Variants in NOP14 observed in about 807,000 individuals in gnomAD.
NOP14 encodes the protein nucleolar protein 14.
A neutral mutation model predicts 101.6 loss-of-function variants in NOP14; 57 were observed. The observed-to-expected ratio is 0.56, with a 90% CI of 0.45 to 0.70. The LOEUF is 0.70. Among genes scored for constraint, NOP14 ranks in the 30% least tolerant of loss-of-function variants. The probability of loss-of-function intolerance (pLI) is 0.00; values close to 1 mark genes in which losing one functional copy is unlikely to be tolerated. For missense variants in NOP14, 1,134 were observed against 1,075.5 expected, an observed-to-expected ratio of 1.05 and a Z score of -0.76; for synonymous variants, 428 against 424.0, an observed-to-expected ratio of 1.01 and a Z score of -0.12.
intron 1 of NOP14, among the ~76,000 whole-genome samples, chr4:2,962,313 T>C (rs1416476944): frequency 6.6e-6 from 1 of 152,216 alleles, no homozygotes; most frequent in East Asian, 1.9e-4. Flanking sequence ...GAGGGACTCC[T>C]ATCGAAGTCA....
At chr4:2,959,891 G>A (rs1715611525) in intron 1 of NOP14, among the ~76,000 whole-genome samples, 1 of 151,940 alleles carries the variant, frequency 6.6e-6, no homozygotes, top group African/African-American at 2.4e-5. Context: ...GCAATCAGAT[G>A]GGAGCACATT....
rs756621630 is a variant in NOP14, at chr4:2,938,823, A to G, written c.*8T>C. 2 of 1,606,446 alleles carry G rather than the reference A, an allele frequency of 1.2e-6. No individual in the cohort carries two copies. The highest frequency in any genetic ancestry group is 4.5e-5 in the East Asian group (2 of 44,848). On this transcript the variant is annotated 3_prime_UTR_variant, in exon 18 of 18. Coordinates refer to ENST00000416614, the MANE Select transcript of NOP14 (RefSeq NM_001291978.2). Reference sequence around the variant, plus strand: ...GTCCAGTTCCTTGCCTTATTTATAAAATGTAATTTATTTTTTGAACTTTTT... The same window carrying G: ...GTCCAGTTCCTTGCCTTATTTATAAGATGTAATTTATTTTTTGAACTTTTT...
At chr4:2,960,986 T>C (rs62645796) in intron 1 of NOP14, among the ~76,000 whole-genome samples, 72 of 5,152 alleles carry the variant, frequency 0.014, 3 homozygotes, top group African/African-American at 0.031. Context: ...ATTAATATTA[T>C]ATCGATATTA....
intron 11 of NOP14, among the ~76,000 whole-genome samples, chr4:2,945,923 C>T (rs1306304686): frequency 1.3e-5 from 2 of 151,642 alleles, no homozygotes; most frequent in African/African-American, 4.9e-5. Flanking sequence ...ACTCTCACTC[C>T]AGATCACCCT....
At chr4:2,941,260 G>A (rs925595469) in intron 15 of NOP14, 4 of 321,416 alleles carry the variant, frequency 1.2e-5, no homozygotes, top group Non-Finnish European at 2.4e-5. Context: ...ACTGCAGAGC[G>A]CGGCTCAGAG....
intron 2 of NOP14, among the ~76,000 whole-genome samples, 161 bp from the exon 3 acceptor site, chr4:2,956,972 G>A (rs1312870997): frequency 6.6e-6 from 1 of 152,070 alleles, no homozygotes; most frequent in East Asian, 1.9e-4. Context: ...AATGATTCAT[G>A]ATTCAGACAG....
intron 15 of NOP14, chr4:2,940,173 A>G (rs1348775087): frequency 6.4e-6 from 1 of 157,012 alleles, no homozygotes; most frequent in Non-Finnish European, 1.4e-5. Context: ...TTTCAAGCCA[A>G]CAGAACCAGA....
intron 1 of NOP14, among the ~76,000 whole-genome samples, chr4:2,960,662 T>TTATTACATTAA (rs1560310265): frequency 6.9e-6 from 1 of 144,816 alleles, no homozygotes; most frequent in African/African-American, 2.6e-5. Context: ...TTACTATATA[T>TTATTACATTAA]TATTATATTA....
intron 1 of NOP14, among the ~76,000 whole-genome samples, chr4:2,958,183 C>G (rs2109313376): frequency 6.6e-6 from 1 of 152,266 alleles, no homozygotes; most frequent in East Asian, 1.9e-4. Context: ...ATACTAGACA[C>G]AAGGCAATAA....
chr4:2,939,763 C>G, intron 15 of NOP14, 118 bp from the exon 16 acceptor site: 1 of 800,832 alleles, frequency 1.2e-6, no homozygotes, highest in Non-Finnish European at 2.2e-6. Context: ...CTCCCTGCAG[C>G]AGGATGGTGC....
chr4:2,945,873 A>G (rs1338136518), intron 11 of NOP14, among the ~76,000 whole-genome samples: 1 of 152,180 alleles, frequency 6.6e-6, no homozygotes, highest in Non-Finnish European at 1.5e-5. Context: ...GTCCATGGCT[A>G]GTGGAGGAGT....
In NOP14 at chr4:2,941,678, C is replaced by T. The variant is rs1032035828; in HGVS notation, c.2103G>A (p.Met701Ile). Residue 701 changes from methionine (M) to isoleucine (I), a missense_variant, in exon 15 of 18, where the codon ATG (methionine) becomes ATA (isoleucine). Met to Ile is a conservative substitution (Grantham distance 10). Transcript: ENST00000416614. ...GLALLKRCVL[M>I]YGSLPSFHAI... ...CGTGGAAGGATGGCAGGGACCCGTACATGAGCACGCAGCGCTTCAGCAGGG... is the reference window on the plus strand; with the variant it reads ...CGTGGAAGGATGGCAGGGACCCGTATATGAGCACGCAGCGCTTCAGCAGGG... 5.6e-6 allele frequency: 9 copies of T among 1,613,148 alleles called. No homozygotes were observed. Among genetic ancestry groups the T allele is most frequent in the Non-Finnish European group, 7.6e-6 (9 of 1,179,890 alleles).
rs553130134 is a variant in NOP14, at chr4:2,947,428, T to G, written c.1499+98A>C. The G allele has an allele frequency of 9.2e-6, 8 of 866,430 alleles. No individual in the cohort carries two copies. In the South Asian group the frequency reaches 1.1e-4, roughly 12 times the overall value. 53.7% of individuals were successfully genotyped at this position (866,430 alleles called of 1,614,324 possible). A position where few individuals can be genotyped will look rare whatever the true frequency, so the allele number is the denominator to read the frequency against. On this transcript the variant is annotated intron_variant, in intron 10 of 17. Transcript: ENST00000416614. ...GGCATGCTGACACCATCATTCCACC[T>G]ACCTTAGTAACTCTGGAATGTATTT...
At chr4:2,946,011 TCTCA>T (rs1183899597) in intron 11 of NOP14, among the ~76,000 whole-genome samples, 2 of 26,606 alleles carry the variant, frequency 7.5e-5, no homozygotes, top group Non-Finnish European at 7.2e-5. Flanking sequence ...TGCCGTGCAC[TCTCA>T]CTCCAGATCA....
intron 1 of NOP14, among the ~76,000 whole-genome samples, chr4:2,960,242 G>C (rs1206331560): frequency 6.6e-6 from 1 of 152,010 alleles, no homozygotes; most frequent in Non-Finnish European, 1.5e-5. Context: ...AAAGTGCTAG[G>C]ATCACAGGTG....
chr4:2,963,054 G>A lies in NOP14; in HGVS notation c.195+71C>T. 2.1e-6 allele frequency: 3 copies of A among 1,424,088 alleles called. No individual in the cohort carries two copies. In the South Asian group the frequency reaches 4.3e-5, roughly 21 times the overall value. 88.2% of individuals were successfully genotyped at this position (1,424,088 alleles called of 1,614,324 possible). On this transcript the variant is annotated intron_variant, in intron 1 of 17. Transcript: ENST00000416614. ...AACGAGGAAACCGACGCACCGAGAA[G>A]GACGCAGCCGGCCGAGAGCAGCGTG...
rs781596112 is a variant in NOP14 at position 2,951,180 on chromosome 4, CAT to C, written c.934_935del (p.Met312ValfsTer4). On this transcript the variant is annotated frameshift_variant, in exon 7 of 18. Coordinates refer to ENST00000416614, the MANE Select transcript of NOP14 (RefSeq NM_001291978.2). LOFTEE classifies it high-confidence loss of function. ...EDENVKKPKH[M>X]SADDLNDGFV... ...AGCCATCATTCAGATCATCTGCTGA[CAT>C]ATGTTTTGGTTTCTTAACATTTTCA... The C allele has an allele frequency of 2.5e-6, 4 of 1,613,856 alleles. No homozygotes were observed. Among genetic ancestry groups the C allele is most frequent in the East Asian group, 2.2e-5 (1 of 44,888 alleles).
chr4:2,949,692 C>T (rs2109304376), intron 8 of NOP14, among the ~76,000 whole-genome samples: 1 of 152,252 alleles, frequency 6.6e-6, no homozygotes, highest in South Asian at 2.1e-4. Context: ...GTGAAGGTAC[C>T]ACTAGAGAGA....
Position 2,944,230 on chromosome 4 carries a change from G to A in NOP14, c.1738-4C>T. ...CCTGGAGGGACAGGATGGGGCACTG[G>A]AAAGGAACATATGGGGGGTTACTGT... On this transcript the variant is annotated splice_polypyrimidine_tract_variant and splice_region_variant and intron_variant, in intron 12 of 17. Transcript: ENST00000416614. 1 of 1,610,120 alleles carries A rather than the reference G, an allele frequency of 6.2e-7. No homozygotes were observed.
Sources: gnomAD v4.1 joint callset for allele counts (sites outside exome capture counted in the v4.1 genomes callset) on GRCh38, gnomAD v4.1.1 for gene constraint, MANE v1.5 for transcripts, NCBI Gene and HGNC (gene_info 2026-07-23, HGNC 2026-07-21) for gene names.